The following LCORL variants were observed in gnomAD, a reference collection of about 807,000 sequenced individuals.
The protein encoded by LCORL is ligand dependent nuclear receptor corepressor like.
LCORL carries 41 observed loss-of-function variants against 141.8 expected under a neutral mutation model. The observed-to-expected ratio is 0.29, with a 90% CI of 0.23 to 0.38. LCORL has a LOEUF of 0.38. LCORL is among the 10% of genes least tolerant of loss of function. The pLI is 1.00. For synonymous variants in LCORL, 618 were observed against 694.1 expected, an observed-to-expected ratio of 0.89 and a Z score of 1.72; for missense variants, 1,759 against 2,035.0, an observed-to-expected ratio of 0.86 and a Z score of 2.61.
chr4:17,912,920 G>A (rs1034308999), intron 4 of LCORL: 30 of 468,884 alleles, frequency 6.4e-5, no homozygotes, highest in African/African-American at 2.9e-4. Context: ...ACCAGCCACC[G>A]GATAGTGGAT....
chr4:17,902,379 C>T (rs7670755), intron 5 of LCORL, among the ~76,000 whole-genome samples: 4,049 of 152,028 alleles, frequency 0.027, 56 homozygotes, highest in South Asian at 0.032. Flanking sequence ...TTTTTCAGGT[C>T]GACTAAAACA....
At chr4:17,913,369 GT>G (rs1732882335) in intron 4 of LCORL, among the ~76,000 whole-genome samples, 1 of 152,202 alleles carries the variant, frequency 6.6e-6, no homozygotes, top group Non-Finnish European at 1.5e-5. Flanking sequence ...TCAAAGAATT[GT>G]AAAAGGTGAT....
intron 5 of LCORL, among the ~76,000 whole-genome samples, chr4:17,903,068 G>A (rs534312105): frequency 4.6e-5 from 7 of 152,024 alleles, no homozygotes; most frequent in Middle Eastern, 6.8e-3. Context: ...CTGCAGAAAC[G>A]CCCTAAATGC....
chr4:17,843,232 A>T (rs892013607), exon 8 of LCORL: 1 of 1,514,652 alleles, frequency 6.6e-7, no homozygotes, highest in African/African-American at 1.4e-5. Context: ...AGAAACAAAA[A>T]AGTTTTATTT....
chr4:17,980,408 T>C (rs1322786671), intron 1 of LCORL, among the ~76,000 whole-genome samples: 1 of 152,194 alleles, frequency 6.6e-6, no homozygotes, highest in African/African-American at 2.4e-5. Context: ...GCATAACTCT[T>C]TGATGTCACA....
intron 4 of LCORL, among the ~76,000 whole-genome samples, chr4:17,945,614 G>T (rs1217652869): frequency 6.6e-6 from 1 of 151,866 alleles, no homozygotes; most frequent in Admixed American, 6.6e-5. Flanking sequence ...AAAAGGCCCT[G>T]AACTTAAGAT....
At chr4:17,870,240 C>T (rs1010130411) in intron 7 of LCORL, among the ~76,000 whole-genome samples, 2 of 152,132 alleles carry the variant, frequency 1.3e-5, no homozygotes, top group African/African-American at 4.8e-5. Flanking sequence ...CAGGTTCAAG[C>T]AAGGTGTGGG....
intron 4 of LCORL, among the ~76,000 whole-genome samples, chr4:17,949,468 A>G (rs1739391418): frequency 6.6e-6 from 1 of 152,072 alleles, no homozygotes; most frequent in South Asian, 2.1e-4. Context: ...TAGCCTCTAG[A>G]TAATTGTGAG....
chr4:17,890,661 C>T (rs1297277780), intron 5 of LCORL, among the ~76,000 whole-genome samples: 1 of 151,992 alleles, frequency 6.6e-6, no homozygotes, highest in Non-Finnish European at 1.5e-5. Flanking sequence ...TGACCAAACG[C>T]TATTGTAAAA....
chr4:17,851,877 TGGCA>T (rs1197537280), intron 7 of LCORL, among the ~76,000 whole-genome samples: 5 of 152,202 alleles, frequency 3.3e-5, no homozygotes, highest in African/African-American at 1.2e-4. Context: ...TGTTAAAAAG[TGGCA>T]TACCATTGTT....
intron 7 of LCORL, among the ~76,000 whole-genome samples, chr4:17,867,291 C>A (rs1725790844): frequency 6.6e-6 from 1 of 151,548 alleles, no homozygotes; most frequent in African/African-American, 2.4e-5. Context: ...CAAGCCACAC[C>A]ATATCAAAAT....
chr4:18,014,351 T>C (rs770676047), intron 1 of LCORL, among the ~76,000 whole-genome samples: 16 of 152,048 alleles, frequency 1.1e-4, no homozygotes, highest in African/African-American at 1.7e-4. Flanking sequence ...TTGTAAACTA[T>C]GAAATCAAAG....
chr4:17,870,589 G>C (rs1208861113), intron 7 of LCORL, among the ~76,000 whole-genome samples: 1 of 152,090 alleles, frequency 6.6e-6, no homozygotes, highest in East Asian at 1.9e-4. Flanking sequence ...GAACATATAA[G>C]AGCAACAACC....
chr4:17,910,168 A>G (rs11941059), intron 4 of LCORL, among the ~76,000 whole-genome samples: 11,283 of 152,244 alleles, frequency 0.074, 945 homozygotes, highest in African/African-American at 0.21. Flanking sequence ...AACTTATATA[A>G]TTGGTAAAAC....
intron 1 of LCORL, among the ~76,000 whole-genome samples, chr4:18,011,246 C>A (rs1701937589): frequency 6.6e-6 from 1 of 152,030 alleles, no homozygotes; most frequent in Non-Finnish European, 1.5e-5. Context: ...AGAGCCCAAG[C>A]AGAATGTCTT....
chr4:17,881,733 A>T, intron 6 of LCORL: 1 of 954,190 alleles, frequency 1.0e-6, no homozygotes, highest in South Asian at 4.8e-5. Context: ...AGCTCAATAC[A>T]ATATAAATAT....
intron 1 of LCORL, among the ~76,000 whole-genome samples, chr4:17,999,210 T>C (rs1245245801): frequency 7.6e-5 from 3 of 39,578 alleles, no homozygotes; most frequent in African/African-American, 2.7e-4. Context: ...TCCCAGCACT[T>C]TGGGAGGCCG....
At chr4:17,989,788 T>C (rs895384385) in intron 1 of LCORL, among the ~76,000 whole-genome samples, 1 of 152,210 alleles carries the variant, frequency 6.6e-6, no homozygotes, top group African/African-American at 2.4e-5. Flanking sequence ...ACAAATTTAC[T>C]CATCACAGCT....
intron 7 of LCORL, among the ~76,000 whole-genome samples, chr4:17,854,925 T>C: frequency 6.6e-6 from 1 of 152,322 alleles, no homozygotes; most frequent in African/African-American, 2.4e-5. Context: ...AGGAAAATTA[T>C]TTATATTAAC....
Sources: allele counts gnomAD v4.1 joint callset (sites outside exome capture counted in the v4.1 genomes callset), GRCh38; gene constraint gnomAD v4.1.1; transcripts MANE v1.5; gene names NCBI Gene and HGNC (gene_info 2026-07-23, HGNC 2026-07-21).